Variants in NUAK2 observed in about 807,000 individuals in gnomAD.
The protein encoded by NUAK2 is NUAK family SNF1-like kinase 2.
Under a neutral mutation model 29.8 loss-of-function variants are expected in NUAK2, and 20 were observed. The observed-to-expected ratio is 0.67, with a 90% CI of 0.47 to 0.98. The LOEUF (loss-of-function observed/expected upper bound fraction) is 0.98, where lower values mean the gene tolerates loss of function less well. NUAK2 is among the 50% of genes least tolerant of loss of function. The pLI is 0.00. For missense variants in NUAK2, 719 were observed against 834.5 expected (o/e 0.86, Z 1.71); for synonymous variants, 331 against 342.6 (o/e 0.97, Z 0.37).
At position 205,305,114 on chromosome 1, in the gene NUAK2, T is replaced by C. The variant is rs945249810; in HGVS notation, c.823+85A>G. ...CATGATGGACTGTTGCCCGTTTGACTTTAGTGCCACTGTGTAGTTTCTGCC... is the reference window on the plus strand; with the variant it reads ...CATGATGGACTGTTGCCCGTTTGACCTTAGTGCCACTGTGTAGTTTCTGCC... On this transcript the variant is annotated intron_variant, in intron 6 of 6. Transcript: ENST00000367157. The C allele has an allele frequency of 2.9e-5, 44 of 1,529,594 alleles. 1 individual carries two copies. In the Admixed American group the frequency reaches 4.6e-4, roughly 16 times the overall value. The allele number at this position is 1,529,594 out of a possible 1,614,324, so 94.8% of individuals were successfully genotyped here.
At position 205,308,655 on chromosome 1, in the gene NUAK2, G is replaced by A. The variant is rs201895375; in HGVS notation, c.430C>T (p.Arg144Trp). ...GCTTCGCGCTCACTGAGCTGCTGCC[G>A]CTCGCTGATGTAGTCATAAAGGTCG... ...RGDLYDYISE[R>W]QQLSEREARH... Residue 144 changes from arginine (R) to tryptophan (W), a missense_variant, in exon 3 of 7, where the codon CGG (arginine) becomes TGG (tryptophan). This residue lies in a region of NUAK2 where 283 missense variants were observed against 345.6 expected (regional missense o/e 0.82). Transcript: ENST00000367157. The surrounding 1 kb of genome is among the most constrained non-coding windows in gnomAD (Gnocchi z 4.1). The A allele has an allele frequency of 3.3e-5, 54 of 1,614,040 alleles. No homozygotes were observed. In the East Asian group the frequency reaches 4.7e-4, roughly 14 times the overall value.
chr1:205,309,396 G>A lies in NUAK2; in HGVS notation c.353-664C>T, dbSNP rs183248780. 4.3e-3 allele frequency among the ~76,000 whole-genome samples: 656 copies of A among 152,168 alleles called. 5 individuals carry two copies. Among genetic ancestry groups the A allele is most frequent in the Non-Finnish European group, 7.4e-3 (505 of 68,000 alleles). ...GGCTGGAGTGCAGTGGCGTGGTCTC[G>A]GCTCACTGCAACCTCCACCTCCCAG... On this transcript the variant is annotated intron_variant, in intron 2 of 6. Coordinates refer to ENST00000367157, the MANE Select transcript of NUAK2 (RefSeq NM_030952.3).
At chr1:205,311,411 T>C (rs893325906) in intron 2 of NUAK2, among the ~76,000 whole-genome samples, 6 of 152,190 alleles carry the variant, frequency 3.9e-5, no homozygotes, top group Admixed American at 3.3e-4. Flanking sequence ...ATTCCTTGAG[T>C]ACCTCCCATG....
In NUAK2 at chr1:205,304,749, C is replaced by A. The variant is rs943044552; in HGVS notation, c.824-236G>T. On this transcript the variant is annotated intron_variant, in intron 6 of 6. Transcript: ENST00000367157. The surrounding 1 kb of genome is among the most constrained non-coding windows in gnomAD (Gnocchi z 6.5). ...TCCTCTGACCCCTCAGGACTGTGACCCCTTCATAAGCCCTTGTGTGTATGT... is the reference window on the plus strand; with the variant it reads ...TCCTCTGACCCCTCAGGACTGTGACACCTTCATAAGCCCTTGTGTGTATGT... Among the ~76,000 whole-genome samples the A allele has an allele frequency of 6.6e-6, 1 of 152,116 alleles. No homozygotes were observed. Among genetic ancestry groups the A allele is most frequent in the South Asian group, 2.1e-4 (1 of 4,824 alleles).
chr1:205,308,843 C>T lies in NUAK2; in HGVS notation c.353-111G>A, dbSNP rs1662219196. The T allele has an allele frequency of 7.4e-6, 9 of 1,209,576 alleles. No individual in the cohort carries two copies. Among genetic ancestry groups the T allele is most frequent in the South Asian group, 1.3e-5 (1 of 74,824 alleles). The allele number at this position is 1,209,576 out of a possible 1,614,324, so 74.9% of individuals were successfully genotyped here. ...GCCCCAAACCAGACAGGACCCCCCT[C>T]CAGGAATATCTGCTAATGGGGCTAT... On this transcript the variant is annotated intron_variant, in intron 2 of 6. Transcript: ENST00000367157. This position sits in a 1 kb window ranked among gnomAD's most constrained non-coding sequence, Gnocchi z 4.1.
At chr1:205,315,107 A>G (rs1055168516) in intron 1 of NUAK2, among the ~76,000 whole-genome samples, 1 of 152,188 alleles carries the variant, frequency 6.6e-6, no homozygotes, top group Non-Finnish European at 1.5e-5. Flanking sequence ...CCAGGTATCC[A>G]TATTAGGTCC....
intron 4 of NUAK2, 31 bp from the exon 5 acceptor site, chr1:205,306,338 T>A: frequency 6.3e-7 from 1 of 1,593,264 alleles, no homozygotes; most frequent in Non-Finnish European, 8.5e-7. Context: ...CGGGCACAGG[T>A]CATGTCAAGG....
At position 205,311,703 on chromosome 1, in the gene NUAK2, A is replaced by G. The variant is rs771895577; in HGVS notation, c.352+2T>C. 215 of 1,614,024 alleles carry G rather than the reference A, an allele frequency of 1.3e-4. No homozygotes were observed. The highest frequency in any genetic ancestry group is 1.7e-4 in the Non-Finnish European group (204 of 1,180,006). ...AGTTCCAGCTTTAAGTGCCCACTGT[A>G]CCTTCATGGATGGCAATGATGTGAG... is the stretch of plus-strand genomic sequence containing the variant. On this transcript the variant is annotated splice_donor_variant, in intron 2 of 6. Transcript: ENST00000367157. LOFTEE classifies it high-confidence loss of function.
chr1:205,321,348 G>C (rs747301955), intron 1 of NUAK2, 50 bp downstream of exon 1: 5 of 1,510,672 alleles, frequency 3.3e-6, no homozygotes, highest in Non-Finnish European at 3.6e-6. Context: ...GCTCCCTGCC[G>C]GCGGCCAAGC....
intron 5 of NUAK2, 112 bp downstream of exon 5, chr1:205,306,076 A>G: frequency 7.1e-7 from 1 of 1,414,300 alleles, no homozygotes; most frequent in Non-Finnish European, 9.5e-7. Context: ...GGGAGGCTTG[A>G]GAGTTGTGCT....
In NUAK2 at chr1:205,304,300, TTC is replaced by T; in HGVS notation, c.1035_1036del (p.Asn346TrpfsTer36). 6.2e-7 allele frequency: 1 copy of T among 1,612,552 alleles called. No homozygotes were observed. Among genetic ancestry groups the T allele is most frequent in the Non-Finnish European group, 8.5e-7 (1 of 1,179,058 alleles). On this transcript the variant is annotated frameshift_variant, in exon 7 of 7. Coordinates refer to ENST00000367157, the MANE Select transcript of NUAK2 (RefSeq NM_030952.3). LOFTEE classifies it low-confidence loss of function (END_TRUNC). This position sits in a 1 kb window ranked among gnomAD's most constrained non-coding sequence, Gnocchi z 6.5. The stretch of plus-strand genomic sequence containing the variant: ...GAAGAAGCTGCACACCTTGGCCCCA[TTC>T]TCCAGGAGGGGGCGGGAGGAACGCC...
In NUAK2 at chr1:205,321,385, G is replaced by C. The variant is rs754846989; in HGVS notation, c.231+13C>G. On this transcript the variant is annotated intron_variant, in intron 1 of 6. Transcript: ENST00000367157. ...GGAGCCCGCCCCGCGCCGCGAGAGG[G>C]AGCCGCACTCACCAGGCGCCCCGAG... 1.9e-6 allele frequency: 3 copies of C among 1,609,380 alleles called. No homozygotes were observed. Among genetic ancestry groups the C allele is most frequent in the Admixed American group, 1.7e-5 (1 of 59,614 alleles).
rs1422487391 is a variant in NUAK2 at position 205,306,306 on chromosome 1, A to T, written c.572T>A (p.Ile191Asn). The change falls in exon 5 of 7, where the codon ATT (isoleucine) becomes AAT (asparagine). Residue 191 changes from isoleucine to asparagine, a missense_variant and splice_region_variant. Physicochemically the swap from Ile to Asn is moderately radical, Grantham distance 149. Around this residue, in one of 3 missense-constraint regions of NUAK2, gnomAD observed 283 missense variants for 345.6 expected, o/e 0.82. Coordinates refer to ENST00000367157, the MANE Select transcript of NUAK2 (RefSeq NM_030952.3). ...GAGGTTGGAGAGACCGAAGTCAGCAATCTGCAGGATTGAGTCAAACACGGG... is the reference window on the plus strand; with the variant it reads ...GAGGTTGGAGAGACCGAAGTCAGCATTCTGCAGGATTGAGTCAAACACGGG... ...ILLDANGNIK[I>N]ADFGLSNLYH... The T allele has an allele frequency of 1.2e-6, 2 of 1,610,628 alleles. No homozygotes were observed. Among genetic ancestry groups the T allele is most frequent in the Admixed American group, 1.7e-5 (1 of 59,204 alleles).
Position 205,308,253 on chromosome 1 carries a change from AC to A in NUAK2, c.505-24del, listed in dbSNP as rs1662208336. The A allele has an allele frequency of 6.4e-7, 1 of 1,565,658 alleles. No individual in the cohort carries two copies. Among genetic ancestry groups the A allele is most frequent in the East Asian group, 2.3e-5 (1 of 44,398 alleles). On this transcript the variant is annotated intron_variant, in intron 3 of 6. Transcript: ENST00000367157. The surrounding 1 kb of genome is among the most constrained non-coding windows in gnomAD (Gnocchi z 4.1). The stretch of plus-strand genomic sequence containing the variant: ...GTTCTGAAAGAAGGAGAGGGCAGTC[AC>A]GGGAAGGTCACCAGGGAAGGGAAGA...
rs749746384 is a variant in NUAK2 at position 205,304,321 on chromosome 1, G to A, written c.1016C>T (p.Ser339Phe). Residue 339 changes from serine (S) to phenylalanine (F), a missense_variant, in exon 7 of 7, where the codon TCC (serine) becomes TTC (phenylalanine). By Grantham distance (155) the Ser-to-Phe change is radical (BLOSUM62 -2). Around this residue, in one of 3 missense-constraint regions of NUAK2, gnomAD observed 430 missense variants for 465.7 expected, o/e 0.92. Transcript: ENST00000367157. The surrounding 1 kb of genome is among the most constrained non-coding windows in gnomAD (Gnocchi z 6.5). ...RASMADWLRR[S>F]SRPLLENGAK... ...CCCATTCTCCAGGAGGGGGCGGGAG[G>A]AACGCCGGAGCCAGTCAGCCATGGA... 23 of 1,609,902 alleles carry A rather than the reference G, an allele frequency of 1.4e-5. No individual in the cohort carries two copies. Among genetic ancestry groups the A allele is most frequent in the Non-Finnish European group, 1.8e-5 (21 of 1,177,394 alleles).
Position 205,308,452 on chromosome 1 carries a change from T to G in NUAK2, c.504+129A>C. On this transcript the variant is annotated intron_variant, in intron 3 of 6. Transcript: ENST00000367157. This position sits in a 1 kb window ranked among gnomAD's most constrained non-coding sequence, Gnocchi z 4.1. The stretch of plus-strand genomic sequence containing the variant: ...AGAGACACTGACATTTCCCTGAGAG[T>G]CCAGAATCTAGTTTTGCCTCTGTTT... 9.5e-7 allele frequency: 1 copy of G among 1,049,506 alleles called. No individual in the cohort carries two copies. The highest frequency in any genetic ancestry group is 1.4e-6 in the Non-Finnish European group (1 of 706,098). 65.0% of individuals were successfully genotyped at this position (1,049,506 alleles called of 1,614,324 possible). A position where few individuals can be genotyped will look rare whatever the true frequency, so the allele number is the denominator to read the frequency against.
chr1:205,307,558 T>C (rs1662199470), intron 4 of NUAK2, among the ~76,000 whole-genome samples: 1 of 152,220 alleles, frequency 6.6e-6, no homozygotes, highest in South Asian at 2.1e-4. Flanking sequence ...CCCAGATGCC[T>C]GCAGGGGCCA....
At position 205,302,819 on chromosome 1, in the gene NUAK2, A is replaced by AG. The variant is rs1207124348; in HGVS notation, c.*630dup. On this transcript the variant is annotated 3_prime_UTR_variant, in exon 7 of 7. Coordinates refer to ENST00000367157, the MANE Select transcript of NUAK2 (RefSeq NM_030952.3). ...GGCAGGAGAATCGCTTGAACCCGGG[A>AG]GGCGGAGGTTGAGGTGAGCTGAGAT... 1 of 152,296 alleles carries AG rather than the reference A, an allele frequency of 6.6e-6. No individual in the cohort carries two copies. The highest frequency in any genetic ancestry group is 2.4e-5 in the African/African-American group (1 of 41,432). 9.4% of individuals were successfully genotyped at this position (152,296 alleles called of 1,614,324 possible). A position where few individuals can be genotyped will look rare whatever the true frequency, so the allele number is the denominator to read the frequency against.
chr1:205,303,925 A>G lies in NUAK2; in HGVS notation c.1412T>C (p.Leu471Pro), dbSNP rs1394459345. 1 of 1,613,924 alleles carries G rather than the reference A, an allele frequency of 6.2e-7. No homozygotes were observed. Among genetic ancestry groups the G allele is most frequent in the Non-Finnish European group, 8.5e-7 (1 of 1,179,992 alleles). Residue 471 changes from leucine to proline, a missense_variant, in exon 7 of 7, where the codon CTC becomes CCC. Transcript: ENST00000367157. The part of the protein sequence containing the change: ...SSPEPSESGE[L>P]LDAGDVFVSG... ...CACAAACACGTCGCCTGCGTCCAAG[A>G]GCTCCCCAGATTCACTGGGCTCGGG...
Sources: gnomAD v4.1 joint callset for allele counts (sites outside exome capture counted in the v4.1 genomes callset) on GRCh38, gnomAD v4.1.1 for gene constraint, gnomAD v4.1.1 regional missense constraint, Gnocchi (gnomAD v3.1) non-coding constraint, MANE v1.5 for transcripts, NCBI Gene and HGNC (gene_info 2026-07-23, HGNC 2026-07-21) for gene names.